The following KIF6 variants were observed in gnomAD, a reference collection of about 807,000 sequenced individuals.
KIF6 encodes the protein kinesin-like protein KIF6.
KIF6 carries 106 observed loss-of-function variants against 112.7 expected under a neutral mutation model. That is an observed-to-expected ratio of 0.94 (90% CI 0.80 to 1.11). The LOEUF (loss-of-function observed/expected upper bound fraction) is 1.11. Ranked by LOEUF, KIF6 falls within the 50% of genes least tolerant of loss-of-function variation. The pLI is 0.00. For missense variants in KIF6, 929 were observed against 964.0 expected, an observed-to-expected ratio of 0.96 and a Z score of 0.48; for synonymous variants, 339 against 339.9, an observed-to-expected ratio of 1.00 and a Z score of 0.03.
rs1212794740 is a variant in KIF6 at position 39,346,085 on chromosome 6, T to TCTCTCTCTCTCTCTCTCTC, written c.2232-297_2232-296insGAGAGAGAGAGAGAGAGAG. ...CTCTCTCTCTCTCTCTCTCTCTCTC[T>TCTCTCTCTCTCTCTCTCTC]CCCCCCCCTCTCCCTCCCCCCCTCC... On this transcript the variant is annotated intron_variant, in intron 20 of 22. Coordinates refer to ENST00000287152, the MANE Select transcript of KIF6 (RefSeq NM_145027.6). Among the ~76,000 whole-genome samples, 5 of 21,598 alleles carry TCTCTCTCTCTCTCTCTCTC rather than the reference T, an allele frequency of 2.3e-4. 1 individual carries two copies. The highest frequency in any genetic ancestry group is 2.4e-4 in the Non-Finnish European group (3 of 12,474). The allele number at this position is 21,598 out of a possible 152,430, so 14.2% of individuals were successfully genotyped here.
chr6:39,535,079 G>T (rs1354723155), intron 13 of KIF6, among the ~76,000 whole-genome samples: 4 of 152,268 alleles, frequency 2.6e-5, no homozygotes, highest in African/African-American at 9.6e-5. Context: ...ACATGGAAAG[G>T]AACAACTGGT....
intron 13 of KIF6, among the ~76,000 whole-genome samples, chr6:39,481,041 C>A (rs543114736): frequency 1.7e-4 from 26 of 150,972 alleles, no homozygotes; most frequent in Admixed American, 1.3e-3. Context: ...TATTTTTTTT[C>A]TTTCAATTTC....
intron 13 of KIF6, among the ~76,000 whole-genome samples, chr6:39,479,432 C>T (rs1199315918): frequency 1.3e-5 from 2 of 151,996 alleles, no homozygotes; most frequent in Non-Finnish European, 2.9e-5. Context: ...GTTCTGGGTT[C>T]TTTATTCTGT....
chr6:39,374,887 T>C (rs1437291896), intron 16 of KIF6, among the ~76,000 whole-genome samples: 1 of 152,178 alleles, frequency 6.6e-6, no homozygotes, highest in Non-Finnish European at 1.5e-5. Flanking sequence ...CTGAAGGAAC[T>C]GAAATCAGTA....
chr6:39,545,534 C>T (rs760188962), intron 11 of KIF6, 49 bp downstream of exon 11: 3 of 1,434,398 alleles, frequency 2.1e-6, no homozygotes, highest in Non-Finnish European at 2.9e-6. Context: ...TTTTTTGCAG[C>T]TTGAACATGG....
intron 10 of KIF6, among the ~76,000 whole-genome samples, chr6:39,570,623 A>G (rs1780589490): frequency 6.6e-6 from 1 of 152,086 alleles, no homozygotes; most frequent in South Asian, 2.1e-4. Flanking sequence ...GTGTCATGGG[A>G]GGGACCTGAT....
Position 39,670,590 on chromosome 6 carries a change from G to C in KIF6, c.252-30833C>G, listed in dbSNP as rs539120135. On this transcript the variant is annotated intron_variant, in intron 3 of 22. Transcript: ENST00000287152. ...AAGAGGAGGTAGAAGAGGTGGCATT[G>C]GTTTTGCAGACTCGGGGTGGGTGAC... 7.3e-4 allele frequency among the ~76,000 whole-genome samples: 111 copies of C among 152,234 alleles called. 1 individual carries two copies. The Middle Eastern group carries it at 0.02, about 28-fold the overall frequency.
chr6:39,422,691 C>G (rs74648839), intron 14 of KIF6, among the ~76,000 whole-genome samples: 5,146 of 152,212 alleles, frequency 0.034, 141 homozygotes, highest in Non-Finnish European at 0.046. Context: ...AGAGGGTGAC[C>G]CCATCAGTGC....
chr6:39,672,838 T>C (rs891778263), intron 3 of KIF6, among the ~76,000 whole-genome samples: 6 of 152,296 alleles, frequency 3.9e-5, no homozygotes, highest in East Asian at 3.9e-4. Context: ...CCTCCAGATA[T>C]AGTCACACTG....
rs187390410 is a variant in KIF6 at position 39,472,502 on chromosome 6, G to A, written c.1646-41341C>T. ...GCTCTAAACAAAATCTGTGGTCAGT[G>A]CCAACTGCAATAGGAAATCAAGCAG... On this transcript the variant is annotated intron_variant, in intron 13 of 22. Coordinates refer to ENST00000287152, the MANE Select transcript of KIF6 (RefSeq NM_145027.6). Among the ~76,000 whole-genome samples, 828 of 152,252 alleles carry A rather than the reference G, an allele frequency of 5.4e-3. 1 individual carries two copies. Among genetic ancestry groups the A allele is most frequent in the Non-Finnish European group, 9.2e-3 (627 of 68,022 alleles).
At chr6:39,657,533 C>T (rs1343030013) in intron 3 of KIF6, among the ~76,000 whole-genome samples, 1 of 152,158 alleles carries the variant, frequency 6.6e-6, no homozygotes, top group Non-Finnish European at 1.5e-5. Context: ...TTAACTTTCT[C>T]CCACATTTTA....
At chr6:39,676,263 G>A (rs1413693541) in intron 3 of KIF6, among the ~76,000 whole-genome samples, 2 of 151,894 alleles carry the variant, frequency 1.3e-5, no homozygotes, top group African/African-American at 2.4e-5. Flanking sequence ...GCCTGAAAAA[G>A]ACCAATTAGA....
At chr6:39,499,797 G>C (rs185777414) in intron 13 of KIF6, among the ~76,000 whole-genome samples, 3 of 152,336 alleles carry the variant, frequency 2.0e-5, no homozygotes, top group Admixed American at 2.0e-4. Context: ...TTCAAGGTAG[G>C]TGGTGATGAG....
rs1181411818 is a variant in KIF6 at position 39,586,401 on chromosome 6, T to C, written c.850A>G (p.Ile284Val). 1.2e-6 allele frequency: 2 copies of C among 1,613,712 alleles called. No individual in the cohort carries two copies. Among genetic ancestry groups the C allele is most frequent in the Admixed American group, 1.7e-5 (1 of 59,990 alleles). The change falls in exon 8 of 23, where the codon ATC becomes GTC. Residue 284 changes from isoleucine (I) to valine (V), a missense_variant. Around this residue, in one of 2 missense-constraint regions of KIF6, gnomAD observed 688 missense variants for 662.7 expected, o/e 1.04. Transcript: ENST00000287152. ...NLSLHYLEQVIIALSEKHRSH... is the reference protein window; with the variant it reads ...NLSLHYLEQVVIALSEKHRSH... ...CGGTGCTTTTCTGAAAGGGCAATGA[T>C]AACCTGTGGTAAAGTAGAAAGATAA... is the stretch of plus-strand genomic sequence containing the variant.
chr6:39,389,684 T>C (rs1767710706), intron 15 of KIF6, among the ~76,000 whole-genome samples: 1 of 152,194 alleles, frequency 6.6e-6, no homozygotes, highest in Non-Finnish European at 1.5e-5. Context: ...TCACTTGAAG[T>C]TGGACTTGAG....
chr6:39,644,843 A>G (rs1785087824), intron 3 of KIF6, among the ~76,000 whole-genome samples: 1 of 152,242 alleles, frequency 6.6e-6, no homozygotes, highest in Admixed American at 6.5e-5. Flanking sequence ...AGCTGTTGTA[A>G]CAATAAAATA....
intron 13 of KIF6, among the ~76,000 whole-genome samples, chr6:39,492,101 C>T (rs1775510809): frequency 1.3e-5 from 2 of 152,106 alleles, no homozygotes; most frequent in South Asian, 4.1e-4. Flanking sequence ...TTTATTAAGA[C>T]CTCATAAAAA....
At chr6:39,638,864 G>A (rs1784761854) in intron 4 of KIF6, among the ~76,000 whole-genome samples, 2 of 152,026 alleles carry the variant, frequency 1.3e-5, no homozygotes, top group Non-Finnish European at 2.9e-5. Flanking sequence ...CGGGGAATTT[G>A]TTTGAACATA....
intron 14 of KIF6, among the ~76,000 whole-genome samples, 172 bp from the exon 15 acceptor site, chr6:39,420,175 T>C (rs141526472): frequency 3.6e-4 from 55 of 152,260 alleles, no homozygotes; most frequent in African/African-American, 1.2e-3. Context: ...AGAAAATTGG[T>C]ATTAATTATA....
Sources: gnomAD v4.1 joint callset for allele counts (sites outside exome capture counted in the v4.1 genomes callset) on GRCh38, gnomAD v4.1.1 for gene constraint, gnomAD v4.1.1 regional missense constraint, MANE v1.5 for transcripts, NCBI Gene and HGNC (gene_info 2026-07-23, HGNC 2026-07-21) for gene names.